KCNN2: variants seen among roughly 807,000 people sequenced by gnomAD.
The protein encoded by KCNN2 is potassium calcium-activated channel subfamily N member 2.
A neutral mutation model predicts 55.5 loss-of-function variants in KCNN2; 24 were observed. That is an observed-to-expected ratio of 0.43 (90% confidence interval 0.31 to 0.61). KCNN2 has a LOEUF of 0.61. Among genes scored for constraint, KCNN2 ranks in the 20% least tolerant of loss-of-function variants. The pLI, the probability that KCNN2 is intolerant of heterozygous loss-of-function variation, is 0.08. For missense variants in KCNN2, 754 were observed against 853.6 expected (o/e 0.88, Z 1.45); for synonymous variants, 431 against 336.1 (o/e 1.28, Z -3.09).
chr5:114,258,050 GA>G (rs1162915700), intron 2 of KCNN2, among the ~76,000 whole-genome samples: 1 of 152,104 alleles, frequency 6.6e-6, no homozygotes, highest in Admixed American at 6.5e-5. Flanking sequence ...TTTTAATCAT[GA>G]AAAGAAGCTA....
rs200779234 is a variant in KCNN2 at position 114,179,840 on chromosome 5, C to T, written c.-270-41640C>T. ...GAAATCAAATACCGCATTCTCACAC[C>T]GTGATAGAGACTATGCAAAGAATAG... On this transcript the variant is annotated intron_variant, in intron 1 of 10. Transcript: ENST00000512097. 1.5e-4 allele frequency among the ~76,000 whole-genome samples: 23 copies of T among 152,138 alleles called. No individual in the cohort carries two copies. The East Asian group carries it at 3.7e-3, about 24-fold the overall frequency.
At chr5:114,235,557 T>A (rs1248565030) in intron 2 of KCNN2, among the ~76,000 whole-genome samples, 1 of 152,214 alleles carries the variant, frequency 6.6e-6, no homozygotes, top group African/African-American at 2.4e-5. Flanking sequence ...GAACTATACA[T>A]TAGCATTTGT....
intron 5 of KCNN2, among the ~76,000 whole-genome samples, chr5:114,475,490 A>T (rs966717397): frequency 6.6e-6 from 1 of 152,172 alleles, no homozygotes; most frequent in African/African-American, 2.4e-5. Context: ...CTCTTAAAAG[A>T]TACTGAGTCT....
intron 2 of KCNN2, among the ~76,000 whole-genome samples, chr5:114,250,817 G>A (rs1754843367): frequency 6.6e-6 from 1 of 152,074 alleles, no homozygotes; most frequent in Non-Finnish European, 1.5e-5. Flanking sequence ...CTTACTAATG[G>A]AAAGGAATTT....
chr5:114,199,513 CTTTT>C (rs144550218), intron 1 of KCNN2, among the ~76,000 whole-genome samples: 3,285 of 151,808 alleles, frequency 0.022, 114 homozygotes, highest in African/African-American at 0.075. Flanking sequence ...TTTTCATTGT[CTTTT>C]TGTTTTGTGA....
chr5:114,399,738 C>T (rs1758726718), intron 2 of KCNN2, among the ~76,000 whole-genome samples: 1 of 151,940 alleles, frequency 6.6e-6, no homozygotes, highest in African/African-American at 2.4e-5. Context: ...TGGTTCTGTG[C>T]TTTTTCTGAT....
chr5:114,074,329 T>TGTGTGTGTGC (rs1200712655), intron 1 of KCNN2, among the ~76,000 whole-genome samples: 1,552 of 138,598 alleles, frequency 0.011, 38 homozygotes, highest in African/African-American at 0.041. Flanking sequence ...TGTGTGTGTG[T>TGTGTGTGTGC]GCGCGCGCGC....
At chr5:114,457,530 A>G (rs1760986195) in intron 3 of KCNN2, among the ~76,000 whole-genome samples, 1 of 152,160 alleles carries the variant, frequency 6.6e-6, no homozygotes, top group Non-Finnish European at 1.5e-5. Context: ...GGCATACTAT[A>G]CCTATGTTAT....
At chr5:114,134,604 T>G (rs949581678) in intron 1 of KCNN2, among the ~76,000 whole-genome samples, 3 of 151,874 alleles carry the variant, frequency 2.0e-5, no homozygotes, top group Non-Finnish European at 4.4e-5. Flanking sequence ...GCCTCCCGAA[T>G]AGCTGGGATT....
chr5:114,311,202 A>G (rs1756385529), intron 2 of KCNN2, among the ~76,000 whole-genome samples: 1 of 152,192 alleles, frequency 6.6e-6, no homozygotes, highest in Admixed American at 6.5e-5. Flanking sequence ...TAAAAAGATA[A>G]TGGCACTGGC....
chr5:114,310,441 G>A (rs1158592888), intron 2 of KCNN2, among the ~76,000 whole-genome samples: 2 of 152,162 alleles, frequency 1.3e-5, no homozygotes, highest in East Asian at 3.8e-4. Context: ...ACATTAAAGT[G>A]AGGACCAGAT....
intron 2 of KCNN2, among the ~76,000 whole-genome samples, chr5:114,276,041 T>C (rs1402912640): frequency 1.3e-5 from 2 of 152,180 alleles, no homozygotes; most frequent in Admixed American, 6.5e-5. Flanking sequence ...TTTGTTCTCA[T>C]TGGTTTCAAA....
chr5:114,386,639 T>TGG (rs1561600655), intron 2 of KCNN2, among the ~76,000 whole-genome samples: 76 of 152,310 alleles, frequency 5.0e-4, no homozygotes, highest in African/African-American at 1.8e-3. Context: ...ATTTAAAAAT[T>TGG]CCCACCATCT....
chr5:114,299,318 A>G (rs1756103061), intron 2 of KCNN2, among the ~76,000 whole-genome samples: 1 of 152,270 alleles, frequency 6.6e-6, no homozygotes, highest in South Asian at 2.1e-4. Context: ...ACTTTGGCTC[A>G]GAGAATGCCA....
At chr5:114,406,100 G>GAA (rs554840041) in intron 3 of KCNN2, among the ~76,000 whole-genome samples, 9 of 114,538 alleles carry the variant, frequency 7.9e-5, no homozygotes, top group Non-Finnish European at 1.1e-4. Flanking sequence ...AGAGTTGCTG[G>GAA]AAAAAAAAAA....
At chr5:114,088,697 G>C (rs1380203590) in intron 1 of KCNN2, among the ~76,000 whole-genome samples, 4 of 152,098 alleles carry the variant, frequency 2.6e-5, no homozygotes, top group African/African-American at 4.8e-5. Flanking sequence ...TCAGCTCACT[G>C]CAACCTCTGC....
At chr5:114,109,966 T>G (rs1751562340) in intron 1 of KCNN2, among the ~76,000 whole-genome samples, 1 of 152,000 alleles carries the variant, frequency 6.6e-6, no homozygotes, top group Non-Finnish European at 1.5e-5. Context: ...AGGTGATTAG[T>G]CCATGAGGGC....
chr5:114,163,166 G>A (rs1752828658), intron 1 of KCNN2, among the ~76,000 whole-genome samples: 1 of 152,140 alleles, frequency 6.6e-6, no homozygotes, highest in Non-Finnish European at 1.5e-5. Context: ...TGTTTCTTAA[G>A]CTGTTTGTTT....
intron 1 of KCNN2, among the ~76,000 whole-genome samples, chr5:114,102,802 G>A (rs1175289429): frequency 6.6e-6 from 1 of 152,154 alleles, no homozygotes; most frequent in Non-Finnish European, 1.5e-5. Flanking sequence ...CTATATATCT[G>A]TTTTGGTACC....
Sources: gnomAD v4.1 joint callset for allele counts (sites outside exome capture counted in the v4.1 genomes callset) on GRCh38, gnomAD v4.1.1 for gene constraint, MANE v1.5 for transcripts, NCBI Gene and HGNC (gene_info 2026-07-23, HGNC 2026-07-21) for gene names.